The following EYS variants were observed in gnomAD, a reference collection of about 807,000 sequenced individuals.
The protein encoded by EYS is protein eyes shut homolog.
Under a neutral mutation model 282.1 loss-of-function variants are expected in EYS, and 250 were observed. The observed-to-expected ratio is 0.89, with a 90% CI of 0.80 to 0.98. EYS has a LOEUF of 0.98. Among genes scored for constraint, EYS ranks in the 50% least tolerant of loss-of-function variants. EYS has a pLI of 0.00. For missense variants in EYS, 4,016 were observed against 3,709.0 expected, an observed-to-expected ratio of 1.08 and a Z score of -2.15; for synonymous variants, 1,355 against 1,282.9, an observed-to-expected ratio of 1.06 and a Z score of -1.20.
At chr6:64,570,213 A>G (rs937257049) in intron 26 of EYS, among the ~76,000 whole-genome samples, 2 of 152,220 alleles carry the variant, frequency 1.3e-5, no homozygotes, top group Admixed American at 6.5e-5. Flanking sequence ...GTGAAGGAGA[A>G]ATAAAATCCT....
chr6:63,767,616 G>C (rs760396663), intron 40 of EYS, among the ~76,000 whole-genome samples: 2 of 152,086 alleles, frequency 1.3e-5, no homozygotes, highest in Non-Finnish European at 2.9e-5. Flanking sequence ...CCTGCTCATG[G>C]AAAGGAAGAA....
intron 29 of EYS, among the ~76,000 whole-genome samples, chr6:64,383,363 G>T (rs533063007): frequency 6.6e-6 from 1 of 152,262 alleles, no homozygotes; most frequent in South Asian, 2.1e-4. Context: ...TGTAAATTGA[G>T]AGTGATTCTT....
intron 31 of EYS, among the ~76,000 whole-genome samples, chr6:64,207,336 TC>T (rs1765640076): frequency 6.6e-6 from 1 of 152,144 alleles, no homozygotes; most frequent in East Asian, 1.9e-4. Context: ...ACATGGTCCC[TC>T]AATCTTGGCC....
chr6:64,784,622 A>G (rs1035085548), intron 22 of EYS, among the ~76,000 whole-genome samples: 1 of 152,164 alleles, frequency 6.6e-6, no homozygotes, highest in Non-Finnish European at 1.5e-5. Flanking sequence ...ATTTCATTCT[A>G]GAGGTTTCAG....
intron 12 of EYS, among the ~76,000 whole-genome samples, chr6:65,189,774 T>C (rs1765598751): frequency 6.6e-6 from 1 of 151,794 alleles, no homozygotes; most frequent in African/African-American, 2.4e-5. Context: ...AGCCTCATCA[T>C]TCCTGAACAA....
chr6:64,637,852 G>A lies in EYS; in HGVS notation c.3444-11607C>T, dbSNP rs1346462492. Among the ~76,000 whole-genome samples, 2 of 90,442 alleles carry A rather than the reference G, an allele frequency of 2.2e-5. 1 individual carries two copies. Among genetic ancestry groups the A allele is most frequent in the African/African-American group, 8.4e-5 (2 of 23,718 alleles). The allele number at this position is 90,442 out of a possible 152,430, so 59.3% of individuals were successfully genotyped here. A position where few individuals can be genotyped will look rare whatever the true frequency, so the allele number is the denominator to read the frequency against. On this transcript the variant is annotated intron_variant, in intron 22 of 42. Transcript: ENST00000503581. ...TGTGTAGCAAACCACCATGACACAC[G>A]TTTACCTTTGTAACAAACCTGCATG...
At chr6:64,095,724 TC>T (rs1474655712) in intron 31 of EYS, among the ~76,000 whole-genome samples, 1 of 152,238 alleles carries the variant, frequency 6.6e-6, no homozygotes, top group Non-Finnish European at 1.5e-5. Context: ...CCAGGCTGTG[TC>T]TTTTAATTGG....
intron 22 of EYS, among the ~76,000 whole-genome samples, chr6:64,633,514 C>G (rs1582977228): frequency 6.7e-6 from 1 of 150,342 alleles, no homozygotes; most frequent in Non-Finnish European, 1.5e-5. Context: ...AAGAACAAAA[C>G]AGGGAAAAAT....
rs77280822 is a variant in EYS, at chr6:64,038,818, T to C, written c.6725+27520A>G. Among the ~76,000 whole-genome samples, 6 of 152,148 alleles carry C rather than the reference T, an allele frequency of 3.9e-5. No individual in the cohort carries two copies. The East Asian group carries it at 1.2e-3, about 29-fold the overall frequency. On this transcript the variant is annotated intron_variant, in intron 33 of 42. Coordinates refer to ENST00000503581, the MANE Select transcript of EYS (RefSeq NM_001142800.2). ...TCTTTTTCTTTCTTTCTTTTTTTTT[T>C]TCTTGAGACGGAGTCTCGCTCTGTA...
chr6:64,300,087 G>A (rs940322193), intron 30 of EYS, among the ~76,000 whole-genome samples: 2 of 152,182 alleles, frequency 1.3e-5, no homozygotes, highest in African/African-American at 4.8e-5. Flanking sequence ...GCATTAGAAG[G>A]GGAGTTCTTA....
At chr6:64,268,983 A>G (rs1458911867) in intron 30 of EYS, among the ~76,000 whole-genome samples, 1 of 152,200 alleles carries the variant, frequency 6.6e-6, no homozygotes, top group Admixed American at 6.6e-5. Context: ...AAATGAGAGC[A>G]TTCTACAGTA....
intron 30 of EYS, among the ~76,000 whole-genome samples, chr6:64,300,225 G>C (rs892370818): frequency 1.3e-5 from 2 of 152,096 alleles, no homozygotes; most frequent in Admixed American, 6.5e-5. Context: ...ATGGGTGGAA[G>C]AAAAAGCTTG....
In EYS at chr6:63,721,940, T is replaced by C. The variant is rs1385649255; in HGVS notation, c.8234-143A>G. On this transcript the variant is annotated intron_variant, in intron 42 of 42. Transcript: ENST00000503581. ...TGAGCACAATTGTGTTAGTTTTGTTTCCACTCACAGAGCAAAATGCATATA... is the reference window on the plus strand; with the variant it reads ...TGAGCACAATTGTGTTAGTTTTGTTCCCACTCACAGAGCAAAATGCATATA... The C allele has an allele frequency of 4.0e-6, 3 of 746,742 alleles. No homozygotes were observed. The Admixed American group carries it at 8.8e-5, about 22-fold the overall frequency. The allele number at this position is 746,742 out of a possible 1,614,324, so 46.3% of individuals were successfully genotyped here.
At chr6:64,309,687 C>A (rs1394285655) in intron 29 of EYS, among the ~76,000 whole-genome samples, 2 of 152,052 alleles carry the variant, frequency 1.3e-5, no homozygotes, top group Non-Finnish European at 2.9e-5. Context: ...AAAAGCTCAG[C>A]CAGGCACGGT....
chr6:64,692,267 C>A lies in EYS; in HGVS notation c.3444-66022G>T, dbSNP rs150236561. Among the ~76,000 whole-genome samples the A allele has an allele frequency of 4.1e-3, 625 of 152,240 alleles. 6 individuals are homozygous for A. Among genetic ancestry groups the A allele is most frequent in the African/African-American group, 0.014 (585 of 41,556 alleles). On this transcript the variant is annotated intron_variant, in intron 22 of 42. Coordinates refer to ENST00000503581, the MANE Select transcript of EYS (RefSeq NM_001142800.2). ...TGTTTAGTGATGCTAAGCATTTTAT[C>A]TTATGTCTGTAGGCCACTTGTATGC...
chr6:63,884,576 C>T (rs1307157350), intron 35 of EYS, among the ~76,000 whole-genome samples: 1 of 152,086 alleles, frequency 6.6e-6, no homozygotes, highest in Non-Finnish European at 1.5e-5. Context: ...TTTTAAAAAT[C>T]TTGACCAAGT....
At chr6:65,040,205 A>AATT (rs1164092234) in intron 13 of EYS, among the ~76,000 whole-genome samples, 1 of 151,806 alleles carries the variant, frequency 6.6e-6, no homozygotes, top group Non-Finnish European at 1.5e-5. Context: ...AAACAACAAA[A>AATT]ATTTATTGTT....
intron 31 of EYS, among the ~76,000 whole-genome samples, chr6:64,213,153 T>C (rs1765830461): frequency 6.6e-6 from 1 of 152,138 alleles, no homozygotes; most frequent in Non-Finnish European, 1.5e-5. Flanking sequence ...CCTTAATACC[T>C]GTACAACAAA....
At position 64,666,444 on chromosome 6, in the gene EYS, C is replaced by G. The variant is rs563600605; in HGVS notation, c.3444-40199G>C. On this transcript the variant is annotated intron_variant, in intron 22 of 42. Transcript: ENST00000503581. Reference sequence around the variant, plus strand: ...TGGGATCAATGCAATAAATCAATCTCTCCTTGAAGTTAATTCTCCCCTAGT... The same window carrying G: ...TGGGATCAATGCAATAAATCAATCTGTCCTTGAAGTTAATTCTCCCCTAGT... Among the ~76,000 whole-genome samples, 13 of 152,282 alleles carry G rather than the reference C, an allele frequency of 8.5e-5. No individual in the cohort carries two copies. In the East Asian group the frequency reaches 2.5e-3, roughly 29 times the overall value.
Sources: allele counts gnomAD v4.1 joint callset (sites outside exome capture counted in the v4.1 genomes callset), GRCh38; gene constraint gnomAD v4.1.1; transcripts MANE v1.5; gene names NCBI Gene and HGNC (gene_info 2026-07-23, HGNC 2026-07-21).